GALK2: variants seen among roughly 807,000 people sequenced by gnomAD.
GALK2 encodes the protein N-acetylgalactosamine kinase.
In GALK2, 36 loss-of-function variants were observed where a neutral mutation model predicts 52.4. The ratio of observed to expected loss-of-function variants is 0.69; its 90% CI spans 0.53 to 0.91. GALK2 has a LOEUF of 0.91. Ranked by LOEUF, GALK2 falls within the 40% of genes least tolerant of loss-of-function variation. The probability of loss-of-function intolerance (pLI) is 0.00; values close to 1 mark genes in which losing one functional copy is unlikely to be tolerated. For missense variants in GALK2, 579 were observed against 559.1 expected, an observed-to-expected ratio of 1.04 and a Z score of -0.36; for synonymous variants, 176 against 199.1, an observed-to-expected ratio of 0.88 and a Z score of 0.98.
downstream of GALK2, among the ~76,000 whole-genome samples, chr15:49,332,391 A>T (rs1037982997): frequency 6.6e-6 from 1 of 152,242 alleles, no homozygotes; most frequent in Non-Finnish European, 1.5e-5. Context: ...AGTGGGTGAC[A>T]GCGCTTACTA....
rs2151120016 is a variant in GALK2, at chr15:49,328,827, T to G, written c.*668T>G. On this transcript the variant is annotated 3_prime_UTR_variant, in exon 10 of 10. Transcript: ENST00000560031. Reference sequence around the variant, plus strand: ...ATACAGGAAGAAAATTCAGACTCATTTGAATATTTGTAAACCATGTAATAT... The same window carrying G: ...ATACAGGAAGAAAATTCAGACTCATGTGAATATTTGTAAACCATGTAATAT... The G allele has an allele frequency of 7.1e-7, 1 of 1,410,028 alleles. No homozygotes were observed. The highest frequency in any genetic ancestry group is 1.7e-5 in the South Asian group (1 of 59,016). 87.3% of individuals were successfully genotyped at this position (1,410,028 alleles called of 1,614,324 possible). A position where few individuals can be genotyped will look rare whatever the true frequency, so the allele number is the denominator to read the frequency against.
intron 3 of GALK2, among the ~76,000 whole-genome samples, chr15:49,353,268 A>G (rs1455471524): frequency 1.3e-5 from 2 of 152,106 alleles, no homozygotes; most frequent in Non-Finnish European, 2.9e-5. Flanking sequence ...ATTTTTTCCT[A>G]TACTGCTGAA....
At chr15:49,239,116 A>T in intron 4 of GALK2, 105 bp from the exon 5 acceptor site, 1 of 899,760 alleles carries the variant, frequency 1.1e-6, no homozygotes, top group Non-Finnish European at 1.7e-6. Context: ...TATAACTATT[A>T]TAAGTCTATT....
At chr15:49,216,185 T>C (rs1029174653) in intron 2 of GALK2, among the ~76,000 whole-genome samples, 2 of 152,188 alleles carry the variant, frequency 1.3e-5, no homozygotes, top group Admixed American at 6.5e-5. Context: ...CTGAAGCCTG[T>C]ATAATACTGG....
intron 7 of GALK2, among the ~76,000 whole-genome samples, chr15:49,284,310 A>G (rs1009573021): frequency 2.0e-5 from 3 of 152,200 alleles, no homozygotes; most frequent in Non-Finnish European, 4.4e-5. Flanking sequence ...AAGATATACA[A>G]AGGGACATAG....
At chr15:49,212,852 T>A (rs1292910285) in intron 2 of GALK2, among the ~76,000 whole-genome samples, 1 of 152,244 alleles carries the variant, frequency 6.6e-6, no homozygotes, top group Non-Finnish European at 1.5e-5. Context: ...TTCATTATGA[T>A]CAGAGAAGTT....
chr15:49,277,383 T>TG (rs1294270810), intron 5 of GALK2, among the ~76,000 whole-genome samples: 6 of 143,010 alleles, frequency 4.2e-5, no homozygotes, highest in African/African-American at 1.5e-4. Context: ...TTAGCCGGGA[T>TG]GGTCTCGATC....
chr15:49,288,148 A>G (rs182002932), intron 7 of GALK2, among the ~76,000 whole-genome samples: 343 of 152,286 alleles, frequency 2.3e-3, no homozygotes, highest in Non-Finnish European at 4.2e-3. Flanking sequence ...TAGGTACAAC[A>G]TTTTTCATAT....
chr15:49,296,547 A>T (rs1183704809), intron 8 of GALK2, among the ~76,000 whole-genome samples: 1 of 151,732 alleles, frequency 6.6e-6, no homozygotes, highest in Non-Finnish European at 1.5e-5. Flanking sequence ...GTTTGATTCC[A>T]TATCTTTGCT....
chr15:49,244,312 GGTGTTT>G (rs2091244485), intron 5 of GALK2, among the ~76,000 whole-genome samples: 1 of 151,752 alleles, frequency 6.6e-6, no homozygotes, highest in Non-Finnish European at 1.5e-5. Context: ...GGGCTCACTG[GGTGTTT>G]GGTATAATAA....
At chr15:49,163,928 T>A (rs1264543021) in intron 1 of GALK2, among the ~76,000 whole-genome samples, 1 of 152,204 alleles carries the variant, frequency 6.6e-6, no homozygotes, top group Non-Finnish European at 1.5e-5. Flanking sequence ...CAATCATCTT[T>A]AAAATTTTTT....
chr15:49,279,485 G>A (rs1256737655), intron 5 of GALK2, among the ~76,000 whole-genome samples: 2 of 152,198 alleles, frequency 1.3e-5, no homozygotes, highest in Non-Finnish European at 1.5e-5. Context: ...AGGCTTTGGA[G>A]TCAGGTGAGG....
chr15:49,166,711 A>G (rs1203043483), upstream of GALK2, among the ~76,000 whole-genome samples: 1 of 152,192 alleles, frequency 6.6e-6, no homozygotes, highest in Non-Finnish European at 1.5e-5. Context: ...ACTTGGTCTC[A>G]ACAACAACAA....
chr15:49,250,447 A>G (rs1338749946), intron 5 of GALK2, among the ~76,000 whole-genome samples: 2 of 152,152 alleles, frequency 1.3e-5, no homozygotes, highest in African/African-American at 4.8e-5. Flanking sequence ...ATGCACATCA[A>G]CTCTAACTTT....
intron 1 of GALK2, among the ~76,000 whole-genome samples, chr15:49,177,234 C>G (rs1161355945): frequency 6.6e-6 from 1 of 151,856 alleles, no homozygotes; most frequent in African/African-American, 2.4e-5. Flanking sequence ...TTTGCTTCTT[C>G]TAATTTATTT....
At chr15:49,298,622 G>A (rs777115874) in intron 8 of GALK2, among the ~76,000 whole-genome samples, 11 of 152,060 alleles carry the variant, frequency 7.2e-5, no homozygotes, top group Non-Finnish European at 1.5e-4. Flanking sequence ...TTAACATAAG[G>A]AGTTCTTGAA....
chr15:49,366,142 G>T, intron 3 of GALK2: 1 of 987,272 alleles, frequency 1.0e-6, no homozygotes, highest in Non-Finnish European at 1.6e-6. Context: ...ATGCCACAGT[G>T]AACACAGCAA....
chr15:49,185,428 C>T (rs1476330580), intron 1 of GALK2, among the ~76,000 whole-genome samples: 1 of 152,164 alleles, frequency 6.6e-6, no homozygotes, highest in Non-Finnish European at 1.5e-5. Context: ...GTGAATAGCA[C>T]AGCAATGAAC....
chr15:49,351,891 T>C lies in GALK2; in HGVS notation c.427-15600T>C, dbSNP rs1044640512. Among the ~76,000 whole-genome samples, 16 of 152,324 alleles carry C rather than the reference T, an allele frequency of 1.1e-4. No individual in the cohort carries two copies. The South Asian group carries it at 1.9e-3, about 18-fold the overall frequency. ...GAAGGGAATATGGTTTAGTTGTCTA[T>C]TGCTATATAACAAACAACCTCAAAA... is the stretch of plus-strand genomic sequence containing the variant. On this transcript the variant is annotated intron_variant, in intron 3 of 3. Transcript: ENST00000558399.
Sources: gnomAD v4.1 joint callset for allele counts (sites outside exome capture counted in the v4.1 genomes callset) on GRCh38, gnomAD v4.1.1 for gene constraint, MANE v1.5 for transcripts, NCBI Gene and HGNC (gene_info 2026-07-23, HGNC 2026-07-21) for gene names.